The following SERPINA4 variants were observed in gnomAD, a reference collection of about 807,000 sequenced individuals.
The protein encoded by SERPINA4 is kallistatin.
SERPINA4 carries 24 observed loss-of-function variants against 25.4 expected under a neutral mutation model. The observed-to-expected ratio is 0.95, with a 90% confidence interval of 0.69 to 1.33. The LOEUF is 1.33. Ranked by LOEUF, SERPINA4 falls within the 40% of genes most tolerant of loss-of-function variation. The pLI is 0.00. For synonymous variants in SERPINA4, 242 were observed against 223.6 expected, an observed-to-expected ratio of 1.08 and a Z score of -0.73; for missense variants, 553 against 535.8, an observed-to-expected ratio of 1.03 and a Z score of -0.32.
intron 1 of SERPINA4, chr14:94,561,859 C>G (rs965663344): frequency 1.6e-6 from 2 of 1,289,650 alleles, no homozygotes; most frequent in African/African-American, 3.0e-5. Context: ...GTGAGTGATG[C>G]GGTCCTATGT....
rs756157595 is a variant in SERPINA4 at position 94,568,335 on chromosome 14, T to G, written c.1083+47T>G. On this transcript the variant is annotated intron_variant, in intron 4 of 4. Transcript: ENST00000557004. ...ATCCCTAGAGAACTCGGTAGGGCAG[T>G]GCCCATGGGAGCTGCCAGGCGATGG... The G allele has an allele frequency of 2.5e-6, 4 of 1,594,840 alleles. No homozygotes were observed. In the South Asian group the frequency reaches 4.4e-5, roughly 18 times the overall value.
rs1902324670 is a variant in SERPINA4, at chr14:94,569,467, A to T, written c.1156A>T (p.Lys386Ter). The T allele has an allele frequency of 6.2e-7, 1 of 1,613,946 alleles. No homozygotes were observed. The highest frequency in any genetic ancestry group is 1.1e-5 in the South Asian group (1 of 91,082). The change falls in exon 5 of 5, where the codon AAA (lysine) becomes TAA (stop). Residue 386 changes from lysine (K) to a stop codon, truncating the protein, a stop_gained. Transcript: ENST00000557004. LOFTEE classifies it low-confidence loss of function (END_TRUNC). ...EAAAATSFAI[K>*]FFSAQTNRHI... ...TGCAGCAGCCACCAGCTTCGCGATC[A>T]AATTCTTCTCTGCCCAGACCAATCG... is the stretch of plus-strand genomic sequence containing the variant.
chr14:94,561,682 C>A, intron 1 of SERPINA4, 188 bp downstream of exon 1: 7 of 1,289,198 alleles, frequency 5.4e-6, no homozygotes, highest in Non-Finnish European at 7.1e-6. Context: ...TAGAAAGGCC[C>A]CGACTTAGGG....
chr14:94,563,375 G>A (rs552048907), intron 1 of SERPINA4, 91 bp from the exon 2 acceptor site: 13 of 1,360,974 alleles, frequency 9.6e-6, no homozygotes, highest in African/African-American at 8.7e-5. Flanking sequence ...TGTCACTCAC[G>A]ATCTCCGGGT....
chr14:94,565,780 C>T (rs968011258), intron 2 of SERPINA4, among the ~76,000 whole-genome samples: 2 of 152,000 alleles, frequency 1.3e-5, no homozygotes, highest in Admixed American at 6.5e-5. Flanking sequence ...ATCGCTTGAA[C>T]CCAGGAAGTG....
chr14:94,568,277 G>A lies in SERPINA4; in HGVS notation c.1072G>A (p.Glu358Lys). 1 of 1,614,166 alleles carries A rather than the reference G, an allele frequency of 6.2e-7. No individual in the cohort carries two copies. The highest frequency in any genetic ancestry group is 8.5e-7 in the Non-Finnish European group (1 of 1,180,026). Residue 358 changes from glutamate (E) to lysine (K), a missense_variant, in exon 4 of 5, where the codon GAG (glutamate) becomes AAG (lysine). Coordinates refer to ENST00000557004, the MANE Select transcript of SERPINA4 (RefSeq NM_006215.4). ...LSGITKQQKL[E>K]ASKSFHKATL... ...CGGCATCACCAAACAGCAAAAACTG[G>A]AGGCATCCAAAGTAAGTCGTCAACA...
chr14:94,567,810 G>A (rs1237062122), intron 3 of SERPINA4, among the ~76,000 whole-genome samples: 1 of 152,334 alleles, frequency 6.6e-6, no homozygotes, highest in Non-Finnish European at 1.5e-5. Context: ...AAACCCACAG[G>A]GCTATAACAG....
At chr14:94,561,754 C>G in intron 1 of SERPINA4, 1 of 1,289,774 alleles carries the variant, frequency 7.8e-7, no homozygotes, top group Non-Finnish European at 1.0e-6. Flanking sequence ...CAGGGACACA[C>G]AGCTGGTACA....
intron 2 of SERPINA4, among the ~76,000 whole-genome samples, chr14:94,566,270 C>T (rs986061274): frequency 3.3e-5 from 5 of 152,204 alleles, no homozygotes; most frequent in South Asian, 2.1e-4. Context: ...AAACATCCAA[C>T]GGGGCTGATG....
Position 94,563,927 on chromosome 14 carries a change from C to G in SERPINA4, c.445C>G (p.Leu149Val). The change falls in exon 2 of 5, where the codon CTG (leucine) becomes GTG (valine). Residue 149 changes from leucine (L) to valine (V), a missense_variant. Coordinates refer to ENST00000557004, the MANE Select transcript of SERPINA4 (RefSeq NM_006215.4). ...VGSALFLSHNLKFLAKFLNDT... is the reference protein window; with the variant it reads ...VGSALFLSHNVKFLAKFLNDT... Reference sequence around the variant, plus strand: ...CAGTGCTCTGTTCCTGAGCCACAACCTGAAGTTCCTTGCAAAATTCCTGAA... The same window carrying G: ...CAGTGCTCTGTTCCTGAGCCACAACGTGAAGTTCCTTGCAAAATTCCTGAA... The G allele has an allele frequency of 6.2e-7, 1 of 1,614,228 alleles. No individual in the cohort carries two copies. Among genetic ancestry groups the G allele is most frequent in the Non-Finnish European group, 8.5e-7 (1 of 1,180,048 alleles).
Position 94,566,957 on chromosome 14 carries a change from A to G in SERPINA4, c.650-13A>G, listed in dbSNP as rs1020852366. On this transcript the variant is annotated splice_polypyrimidine_tract_variant and intron_variant, in intron 2 of 4. Transcript: ENST00000557004. ...TGCAGATGTCCTGTACCTTCTTTTCATCTTCCCTTCAGCCCTGTGGGAGAA... is the reference window on the plus strand; with the variant it reads ...TGCAGATGTCCTGTACCTTCTTTTCGTCTTCCCTTCAGCCCTGTGGGAGAA... 7 of 1,606,352 alleles carry G rather than the reference A, an allele frequency of 4.4e-6. No individual in the cohort carries two copies. The highest frequency in any genetic ancestry group is 6.0e-6 in the Non-Finnish European group (7 of 1,175,290).
At chr14:94,566,239 C>A (rs1348208808) in intron 2 of SERPINA4, among the ~76,000 whole-genome samples, 2 of 152,236 alleles carry the variant, frequency 1.3e-5, no homozygotes, top group Non-Finnish European at 2.9e-5. Flanking sequence ...CTGCACCCAG[C>A]AGCTGAATGT....
In SERPINA4 at chr14:94,567,086, C is replaced by G; in HGVS notation, c.766C>G (p.Leu256Val). The G allele has an allele frequency of 6.2e-7, 1 of 1,614,202 alleles. No homozygotes were observed. Among genetic ancestry groups the G allele is most frequent in the Non-Finnish European group, 8.5e-7 (1 of 1,180,034 alleles). Reference sequence around the variant, plus strand: ...GCAGGACCAGGAGCATCACTGGTATCTTCATGACAGATACTTGCCCTGCTC... The same window carrying G: ...GCAGGACCAGGAGCATCACTGGTATGTTCATGACAGATACTTGCCCTGCTC... ...MLQDQEHHWY[L>V]HDRYLPCSVL... The change falls in exon 3 of 5, where the codon CTT becomes GTT. Residue 256 changes from leucine (L) to valine (V), a missense_variant. By Grantham distance (32) the Leu-to-Val change is conservative. Transcript: ENST00000557004.
chr14:94,561,618 C>G (rs1309224350), intron 1 of SERPINA4, 124 bp downstream of exon 1: 16 of 1,264,988 alleles, frequency 1.3e-5, no homozygotes, highest in Non-Finnish European at 1.6e-5. Context: ...CAGGAAAGTC[C>G]CAGGCAAGCT....
At position 94,563,999 on chromosome 14, in the gene SERPINA4, T is replaced by C; in HGVS notation, c.517T>C (p.Tyr173His). ...GGCTAAACTCTTCCACACCAACTTCTACGACACTGTGGGCACAATCCAGCT... is the reference window on the plus strand; with the variant it reads ...GGCTAAACTCTTCCACACCAACTTCCACGACACTGTGGGCACAATCCAGCT... ...YEAKLFHTNF[Y>H]DTVGTIQLIN... Residue 173 changes from tyrosine (Y) to histidine (H), a missense_variant, in exon 2 of 5, where the codon TAC (tyrosine) becomes CAC (histidine). Tyr to His is a moderately conservative substitution (Grantham distance 83). Coordinates refer to ENST00000557004, the MANE Select transcript of SERPINA4 (RefSeq NM_006215.4). 1 of 1,614,006 alleles carries C rather than the reference T, an allele frequency of 6.2e-7. No individual in the cohort carries two copies. The highest frequency in any genetic ancestry group is 8.5e-7 in the Non-Finnish European group (1 of 1,180,018).
At chr14:94,567,998 C>A in intron 3 of SERPINA4, 131 bp from the exon 4 acceptor site, 1 of 871,018 alleles carries the variant, frequency 1.1e-6, no homozygotes, top group Non-Finnish European at 1.8e-6. Context: ...GTGGTCTGAG[C>A]CGAAGCTGTT....
chr14:94,565,691 C>CAAAAAA (rs10566829), intron 2 of SERPINA4, among the ~76,000 whole-genome samples: 1 of 141,322 alleles, frequency 7.1e-6, no homozygotes, highest in African/African-American at 2.6e-5. Flanking sequence ...ACTAAAAATA[C>CAAAAAA]AAAAAAAAAA....
chr14:94,564,243 T>C (rs1902132635), intron 2 of SERPINA4, 112 bp downstream of exon 2: 1 of 1,134,216 alleles, frequency 8.8e-7, no homozygotes, highest in Non-Finnish European at 1.3e-6. Flanking sequence ...ACGTTGTGTC[T>C]GATAGGGTTG....
At chr14:94,567,648 G>A (rs917265013) in intron 3 of SERPINA4, among the ~76,000 whole-genome samples, 5 of 152,158 alleles carry the variant, frequency 3.3e-5, no homozygotes, top group Admixed American at 6.5e-5. Context: ...TAATAGGAAG[G>A]CTTCCCATCA....
Sources: gnomAD v4.1 joint callset for allele counts (sites outside exome capture counted in the v4.1 genomes callset) on GRCh38, gnomAD v4.1.1 for gene constraint, MANE v1.5 for transcripts, NCBI Gene and HGNC (gene_info 2026-07-23, HGNC 2026-07-21) for gene names.